Variants in RAP1GAP observed in about 807,000 individuals in gnomAD.
RAP1GAP encodes rap1 GTPase-activating protein 1.
RAP1GAP carries 35 observed loss-of-function variants against 87.2 expected under a neutral mutation model. That is an observed-to-expected ratio of 0.40 (90% CI 0.31 to 0.53). RAP1GAP has a LOEUF of 0.53. RAP1GAP is among the 20% of genes least tolerant of loss of function. The pLI, the probability that RAP1GAP is intolerant of heterozygous loss-of-function variation, is 0.48. For synonymous variants in RAP1GAP, 375 were observed against 363.9 expected (o/e 1.03, Z -0.35); for missense variants, 734 against 898.9 (o/e 0.82, Z 2.35).
At chr1:21,643,760 C>T (rs748930837) in intron 2 of RAP1GAP, among the ~76,000 whole-genome samples, 3 of 152,048 alleles carry the variant, frequency 2.0e-5, no homozygotes, top group African/African-American at 7.2e-5. Flanking sequence ...TCATTTCATT[C>T]GAAGCAATAC....
chr1:21,609,223 A>C lies in RAP1GAP; in HGVS notation c.1072-287T>G, dbSNP rs1211970246. 6.6e-6 allele frequency among the ~76,000 whole-genome samples: 1 copy of C among 152,190 alleles called. No homozygotes were observed. Among genetic ancestry groups the C allele is most frequent in the Non-Finnish European group, 1.5e-5 (1 of 68,032 alleles). Reference sequence around the variant, plus strand: ...ACCTACTGCTTCAGTCTAGGGTAGCAGAACACGCTACGTACAGAGCTGAAG... The same window carrying C: ...ACCTACTGCTTCAGTCTAGGGTAGCCGAACACGCTACGTACAGAGCTGAAG... On this transcript the variant is annotated intron_variant, in intron 15 of 24. Transcript: ENST00000374765. This position sits in a 1 kb window ranked among gnomAD's most constrained non-coding sequence, Gnocchi z 4.4.
At chr1:21,657,861 G>C (rs1298287103) in intron 1 of RAP1GAP, among the ~76,000 whole-genome samples, 1 of 152,158 alleles carries the variant, frequency 6.6e-6, no homozygotes, top group Non-Finnish European at 1.5e-5. Flanking sequence ...AGTTCCTTAT[G>C]ATACCACCCT....
chr1:21,597,308 G>A, intron 24 of RAP1GAP, 44 bp from the exon 25 acceptor site: 1 of 209,310 alleles, frequency 4.8e-6, no homozygotes, highest in Non-Finnish European at 9.6e-6. Context: ...ACATGGCATG[G>A]TGGGTGGCTG....
At chr1:21,599,656 G>T (rs752622781) in intron 20 of RAP1GAP, 39 bp from the exon 21 acceptor site, 12 of 1,582,080 alleles carry the variant, frequency 7.6e-6, no homozygotes, top group Non-Finnish European at 1.0e-5. Flanking sequence ...TGTCCACCCC[G>T]AGCCCCTCCT....
chr1:21,608,144 A>G, intron 17 of RAP1GAP, 69 bp downstream of exon 17: 1 of 1,571,950 alleles, frequency 6.4e-7, no homozygotes, highest in Non-Finnish European at 8.7e-7. Flanking sequence ...TCAGTCTATC[A>G]GCCTCAGCCC....
chr1:21,609,589 C>A lies in RAP1GAP; in HGVS notation c.1057G>T (p.Ala353Ser). ...GTGCCCCTCACCTTCCTGAACACAGCGGGGTCCGGGAGGGGGGGTCCAAAG... is the reference window on the plus strand; with the variant it reads ...GTGCCCCTCACCTTCCTGAACACAGAGGGGTCCGGGAGGGGGGGTCCAAAG... ...PFFGPPLPDP[A>S]VFRKGPEFQE... The change falls in exon 15 of 25, where the codon GCT becomes TCT. Residue 353 changes from alanine (A) to serine (S), a missense_variant. Physicochemically the swap from Ala to Ser is moderately conservative, Grantham distance 99. Around this residue, in one of 2 missense-constraint regions of RAP1GAP, gnomAD observed 485 missense variants for 646.2 expected, o/e 0.75. Transcript: ENST00000374765. This position sits in a 1 kb window ranked among gnomAD's most constrained non-coding sequence, Gnocchi z 4.4. 1 of 1,569,316 alleles carries A rather than the reference C, an allele frequency of 6.4e-7. No homozygotes were observed. The highest frequency in any genetic ancestry group is 8.6e-7 in the Non-Finnish European group (1 of 1,157,150).
intron 16 of RAP1GAP, 101 bp from the exon 17 acceptor site, chr1:21,608,451 T>C (rs2076181974): frequency 6.8e-7 from 1 of 1,468,110 alleles, no homozygotes; most frequent in Admixed American, 2.1e-5. Context: ...CCACCTTCTC[T>C]GAATGAGTGG....
At chr1:21,633,212 C>T (rs561666317) in intron 2 of RAP1GAP, among the ~76,000 whole-genome samples, 2 of 152,290 alleles carry the variant, frequency 1.3e-5, no homozygotes, top group South Asian at 4.1e-4. Context: ...TTTGGCCCCC[C>T]GGAGATAGCT....
intron 1 of RAP1GAP, chr1:21,665,443 T>C (rs2097309036): frequency 2.0e-5 from 6 of 295,926 alleles, no homozygotes; most frequent in Non-Finnish European, 3.5e-5. Flanking sequence ...TCACAGTCCC[T>C]GGGATCCACT....
chr1:21,651,701 A>G (rs757320122), intron 1 of RAP1GAP: 2 of 1,314,556 alleles, frequency 1.5e-6, no homozygotes, highest in Non-Finnish European at 2.1e-6. Flanking sequence ...ACGCGAGCAC[A>G]CCCCGCACGG....
intron 2 of RAP1GAP, among the ~76,000 whole-genome samples, chr1:21,628,739 T>C (rs890975785): frequency 4.6e-5 from 7 of 151,086 alleles, no homozygotes; most frequent in Non-Finnish European, 1.0e-4. Flanking sequence ...AATACAAAAA[T>C]TAGCTGGGCA....
At chr1:21,661,620 A>G (rs1305676653) in intron 1 of RAP1GAP, among the ~76,000 whole-genome samples, 1 of 152,216 alleles carries the variant, frequency 6.6e-6, no homozygotes, top group Non-Finnish European at 1.5e-5. Context: ...GTAAAAGAGG[A>G]TGGCAATGAT....
At chr1:21,639,189 C>A in intron 2 of RAP1GAP, among the ~76,000 whole-genome samples, 1 of 152,208 alleles carries the variant, frequency 6.6e-6, no homozygotes, top group Non-Finnish European at 1.5e-5. Context: ...CCCTGAGCTG[C>A]CCCAGGCTGG....
intron 1 of RAP1GAP, among the ~76,000 whole-genome samples, chr1:21,655,304 T>C (rs768896297): frequency 6.6e-6 from 1 of 152,220 alleles, no homozygotes; most frequent in Non-Finnish European, 1.5e-5. Flanking sequence ...TTATGGTCCA[T>C]GTATGCTATG....
intron 13 of RAP1GAP, 22 bp downstream of exon 13, chr1:21,611,430 C>A: frequency 1.2e-6 from 2 of 1,604,690 alleles, no homozygotes; most frequent in Non-Finnish European, 1.7e-6. Flanking sequence ...AGACAGGAGG[C>A]AGGTGGGGGT....
intron 1 of RAP1GAP, chr1:21,651,727 T>TA (rs1407781338): frequency 1.8e-6 from 2 of 1,097,024 alleles, no homozygotes; most frequent in Admixed American, 2.2e-5. Flanking sequence ...CCCCCACGCG[T>TA]GCACACGCAC....
At chr1:21,647,075 C>G (rs2096123938) in intron 2 of RAP1GAP, among the ~76,000 whole-genome samples, 1 of 152,218 alleles carries the variant, frequency 6.6e-6, no homozygotes, top group African/African-American at 2.4e-5. Flanking sequence ...TCCCTGAACA[C>G]ACTCAATTCA....
chr1:21,654,561 G>C (rs758021054), intron 1 of RAP1GAP, among the ~76,000 whole-genome samples: 1 of 152,196 alleles, frequency 6.6e-6, no homozygotes, highest in Non-Finnish European at 1.5e-5. Context: ...GACTGAGCAC[G>C]GTGGCTCACA....
Position 21,669,120 on chromosome 1 carries a change from G to A in RAP1GAP, c.-149+134C>T. On this transcript the variant is annotated intron_variant, in intron 1 of 24. Coordinates refer to ENST00000374765, the MANE Select transcript of RAP1GAP (RefSeq NM_002885.4). The surrounding 1 kb of genome is among the most constrained non-coding windows in gnomAD (Gnocchi z 5.6). ...CCCACCCCTCGCCCCTGGAGACCCG[G>A]GTCCCCCACGCGTTCGCCCCCACCC... 1 of 1,002,130 alleles carries A rather than the reference G, an allele frequency of 1.0e-6. No homozygotes were observed. Among genetic ancestry groups the A allele is most frequent in the Non-Finnish European group, 1.3e-6 (1 of 789,982 alleles). 62.1% of individuals were successfully genotyped at this position (1,002,130 alleles called of 1,614,324 possible).
Sources: gnomAD v4.1 joint callset for allele counts (sites outside exome capture counted in the v4.1 genomes callset) on GRCh38, gnomAD v4.1.1 for gene constraint, gnomAD v4.1.1 regional missense constraint, Gnocchi (gnomAD v3.1) non-coding constraint, MANE v1.5 for transcripts, NCBI Gene and HGNC (gene_info 2026-07-23, HGNC 2026-07-21) for gene names.